TEP1: variants seen among roughly 807,000 people sequenced by gnomAD.
TEP1 encodes telomerase associated protein 1.
A neutral mutation model predicts 306.3 loss-of-function variants in TEP1; 241 were observed. The ratio of observed to expected loss-of-function variants is 0.79; its 90% CI spans 0.71 to 0.88. The LOEUF is 0.88. TEP1 is among the 40% of genes least tolerant of loss of function. TEP1 has a pLI of 0.00. For synonymous variants in TEP1, 1,289 were observed against 1,305.5 expected (o/e 0.99, Z 0.27); for missense variants, 3,051 against 3,276.1 (o/e 0.93, Z 1.68).
rs960888429 is a variant in TEP1 at position 20,377,415 on chromosome 14, T to G, written c.5953A>C (p.Ser1985Arg). 1.9e-6 allele frequency: 3 copies of G among 1,613,892 alleles called. No homozygotes were observed. The highest frequency in any genetic ancestry group is 2.5e-6 in the Non-Finnish European group (3 of 1,179,996). ...TGCAAGGACCCATCTTCTGCACCAC[T>G]CACCAATACCTTGGGGCTTAGCCAG... The part of the protein sequence containing the change: ...LAWLSPKVLV[S>R]GAEDGSLQGW... Residue 1985 changes from serine to arginine, a missense_variant, in exon 41 of 55, where the codon AGT becomes CGT. By Grantham distance (110) the Ser-to-Arg change is moderately radical. Transcript: ENST00000262715.
chr14:20,384,016 C>A, intron 24 of TEP1, 22 bp downstream of exon 24: 2 of 1,590,598 alleles, frequency 1.3e-6, no homozygotes, highest in Non-Finnish European at 1.7e-6. Context: ...TCCCTCCTGC[C>A]CAGGCCCCTG....
At position 20,386,195 on chromosome 14, in the gene TEP1, T is replaced by C; in HGVS notation, c.2862A>G (p.Arg954=). Residue 954 remains arginine (R), a splice_region_variant and synonymous_variant, in exon 20 of 55, where the codon AGA becomes AGG. Transcript: ENST00000262715. ...CCTCCCCAAGGCACACTTCCAGTTG[T>C]CTGTAGGCATGATGATAGGGACGTG... The part of the protein sequence containing the change: ...GVTEEETRRN[R]QLEVCLGEVE... 1 of 1,613,892 alleles carries C rather than the reference T, an allele frequency of 6.2e-7. No homozygotes were observed. Among genetic ancestry groups the C allele is most frequent in the East Asian group, 2.2e-5 (1 of 44,868 alleles).
chr14:20,382,829 C>T (rs1338401735), intron 27 of TEP1, 114 bp from the exon 28 acceptor site: 12 of 922,866 alleles, frequency 1.3e-5, no homozygotes, highest in South Asian at 8.4e-5. Context: ...CCCCAGCAGA[C>T]GCCAGGTCCA....
chr14:20,395,797 T>C (rs942361833), intron 11 of TEP1, 62 bp downstream of exon 11: 100 of 1,561,240 alleles, frequency 6.4e-5, no homozygotes, highest in Non-Finnish European at 8.7e-5. Flanking sequence ...ATATTGGTGC[T>C]GCTGCTTCAT....
chr14:20,408,216 A>G lies in TEP1; in HGVS notation c.224T>C (p.Leu75Pro), dbSNP rs1464490813. Residue 75 changes from leucine (L) to proline (P), a missense_variant, in exon 2 of 55, where the codon CTC becomes CCC. Physicochemically the swap from Leu to Pro is moderately conservative, Grantham distance 98. Transcript: ENST00000262715. ...GGCCAGGCACTGGTTCTCCAAGGAG[A>G]GGATGTCTGGGTGGGCAGACACATA... is the stretch of plus-strand genomic sequence containing the variant. ...HGYVSAHPDI[L>P]SLENQCLATL... 6.2e-7 allele frequency: 1 copy of G among 1,613,432 alleles called. No homozygotes were observed. Among genetic ancestry groups the G allele is most frequent in the East Asian group, 2.2e-5 (1 of 44,854 alleles).
chr14:20,405,841 C>T (rs1291240999), intron 3 of TEP1, among the ~76,000 whole-genome samples: 1 of 151,824 alleles, frequency 6.6e-6, no homozygotes, highest in Non-Finnish European at 1.5e-5. Flanking sequence ...TGGCGAAATC[C>T]CATCCCTACT....
In TEP1 at chr14:20,401,499, A is replaced by T; in HGVS notation, c.1349T>A (p.Ile450Asn). The T allele has an allele frequency of 6.2e-7, 1 of 1,614,136 alleles. No homozygotes were observed. Among genetic ancestry groups the T allele is most frequent in the Non-Finnish European group, 8.5e-7 (1 of 1,180,020 alleles). Reference sequence around the variant, plus strand: ...TTGAACGTGCTGGGCAGGCTTGTGGATGTGCAGTCGCTGAACCAGCTTCTT... The same window carrying T: ...TTGAACGTGCTGGGCAGGCTTGTGGTTGTGCAGTCGCTGAACCAGCTTCTT... ...TLKKLVQRLHIHKPAQHVQAL... is the reference protein window; with the variant it reads ...TLKKLVQRLHNHKPAQHVQAL... The change falls in exon 8 of 55, where the codon ATC (isoleucine) becomes AAC (asparagine). Residue 450 changes from isoleucine (I) to asparagine (N), a missense_variant. This residue lies in a region of TEP1 where 1,507 missense variants were observed against 1,550.5 expected (regional missense o/e 0.97). Coordinates refer to ENST00000262715, the MANE Select transcript of TEP1 (RefSeq NM_007110.5).
rs763965798 is a variant in TEP1, at chr14:20,377,284, G to A, written c.6084C>T (p.Ala2028=). ...CTGCCCACTGTCTAGTAGTACCTGA[G>A]GCAGAAGCCAAGAGCTCCTGGGAAG... ...LATSQELLAS[A]SEDFTVQLWP... Residue 2028 remains alanine, a synonymous_variant, in exon 41 of 55, where the codon GCC becomes GCT. Transcript: ENST00000262715. The A allele has an allele frequency of 8.7e-6, 14 of 1,610,722 alleles. No individual in the cohort carries two copies. The highest frequency in any genetic ancestry group is 1.1e-5 in the Non-Finnish European group (13 of 1,177,430).
Position 20,396,747 on chromosome 14 carries a change from A to G in TEP1, c.1550-17T>C. The G allele has an allele frequency of 6.4e-7, 1 of 1,572,106 alleles. No individual in the cohort carries two copies. Among genetic ancestry groups the G allele is most frequent in the Non-Finnish European group, 8.7e-7 (1 of 1,150,436 alleles). ...TCCCATTTTCTGTGGAATGTGGGGC[A>G]TAGAGTGAGAAAAACAAATGAGAAG... On this transcript the variant is annotated splice_polypyrimidine_tract_variant and intron_variant, in intron 9 of 54. Coordinates refer to ENST00000262715, the MANE Select transcript of TEP1 (RefSeq NM_007110.5).
In TEP1 at chr14:20,368,118, G is replaced by A. The variant is rs149049108; in HGVS notation, c.*319C>T. On this transcript the variant is annotated 3_prime_UTR_variant, in exon 55 of 55. Coordinates refer to ENST00000262715, the MANE Select transcript of TEP1 (RefSeq NM_007110.5). ...ATGGCATCCTAGGGTCCTAGGGCCC[G>A]CGAGTGATGCAAGAATTCTAAAACC... 70 of 201,482 alleles carry A rather than the reference G, an allele frequency of 3.5e-4. 1 individual carries two copies. The East Asian group carries it at 7.5e-3, about 22-fold the overall frequency. 12.5% of individuals were successfully genotyped at this position (201,482 alleles called of 1,614,324 possible).
chr14:20,392,295 T>G (rs1434485805), intron 12 of TEP1, among the ~76,000 whole-genome samples: 1 of 152,152 alleles, frequency 6.6e-6, no homozygotes, highest in Non-Finnish European at 1.5e-5. Context: ...AAACAATTGG[T>G]TCACGCAAAG....
intron 1 of TEP1, among the ~76,000 whole-genome samples, chr14:20,410,637 C>G (rs113891865): frequency 0.013 from 1,796 of 143,586 alleles, 46 homozygotes; most frequent in African/African-American, 0.045. Context: ...AGACAGGGTT[C>G]CACTATGCTG....
Position 20,369,467 on chromosome 14 carries a change from A to G in TEP1, c.7533T>C (p.Thr2511=), listed in dbSNP as rs1884689245. ...TGNMWQKKAN[T]PETQTPGTDP... The stretch of plus-strand genomic sequence containing the variant: ...CTGTCCCTGGAGTTTGGGTTTCTGG[A>G]GTGTTTGCTTTTTTCTGCCACATGT... Residue 2511 remains threonine (T), a synonymous_variant, in exon 53 of 55, where the codon ACT becomes ACC. Coordinates refer to ENST00000262715, the MANE Select transcript of TEP1 (RefSeq NM_007110.5). 1 of 1,613,720 alleles carries G rather than the reference A, an allele frequency of 6.2e-7. No homozygotes were observed. Among genetic ancestry groups the G allele is most frequent in the Non-Finnish European group, 8.5e-7 (1 of 1,179,974 alleles).
At position 20,383,427 on chromosome 14, in the gene TEP1, G is replaced by A. The variant is rs547205213; in HGVS notation, c.3867+61C>T. 2.9e-4 allele frequency: 465 copies of A among 1,611,282 alleles called. 1 individual carries two copies. Among genetic ancestry groups the A allele is most frequent in the Non-Finnish European group, 3.5e-4 (417 of 1,178,342 alleles). On this transcript the variant is annotated intron_variant, in intron 26 of 54. Transcript: ENST00000262715. ...CACATTGGAGAGGCCTCTCTCCTCC[G>A]TGCCGTATCCCTCCTTCTCCCCAGC...
chr14:20,366,328 A>C lies in TEP1; in HGVS notation c.*2109T>G, dbSNP rs1272831075. On this transcript the variant is annotated 3_prime_UTR_variant, in exon 55 of 55. Transcript: ENST00000262715. ...AGAGCTTCCTCCTGCAATTGGCCCA[A>C]GATTTTAGGGGAGCAAAAGGCAAAA... 1 of 152,242 alleles carries C rather than the reference A, an allele frequency of 6.6e-6. No homozygotes were observed. The highest frequency in any genetic ancestry group is 1.5e-5 in the Non-Finnish European group (1 of 68,042). The allele number at this position is 152,242 out of a possible 1,614,324, so 9.4% of individuals were successfully genotyped here.
At chr14:20,369,303 C>CA (rs1884675553) in intron 53 of TEP1, 41 bp downstream of exon 53, 1 of 1,607,578 alleles carries the variant, frequency 6.2e-7, no homozygotes. Context: ...CCACTGCTCC[C>CA]AGCCCTCCCC....
intron 33 of TEP1, 50 bp downstream of exon 33, chr14:20,380,881 C>T: frequency 2.7e-6 from 4 of 1,503,028 alleles, no homozygotes; most frequent in Non-Finnish European, 3.7e-6. Flanking sequence ...CATAAGCACA[C>T]CCAGGAGTCC....
intron 2 of TEP1, 120 bp downstream of exon 2, chr14:20,407,753 C>A: frequency 2.2e-6 from 2 of 921,962 alleles, no homozygotes; most frequent in Non-Finnish European, 3.3e-6. Flanking sequence ...AGGAGAGGCT[C>A]TGAGGAGAGA....
Position 20,372,718 on chromosome 14 carries a change from A to G in TEP1, c.7076+15T>C, listed in dbSNP as rs751746655. ...ACTGCTGTTTCTATCCCATTAACCC[A>G]TCAGCCTGTTTCACCTCAAATTTCC... On this transcript the variant is annotated intron_variant, in intron 49 of 54. Transcript: ENST00000262715. 6.2e-7 allele frequency: 1 copy of G among 1,613,970 alleles called. No homozygotes were observed. The highest frequency in any genetic ancestry group is 1.3e-5 in the African/African-American group (1 of 74,926).
Sources: allele counts gnomAD v4.1 joint callset (sites outside exome capture counted in the v4.1 genomes callset), GRCh38; gene constraint gnomAD v4.1.1; regional missense constraint gnomAD v4.1.1; transcripts MANE v1.5; gene names NCBI Gene and HGNC (gene_info 2026-07-23, HGNC 2026-07-21).